The following PARD3B variants were observed in gnomAD, a reference collection of about 807,000 sequenced individuals.
The protein encoded by PARD3B is par-3 family cell polarity regulator beta, also known as partitioning defective 3 homolog B.
A neutral mutation model predicts 130.2 loss-of-function variants in PARD3B; 103 were observed. The observed-to-expected ratio is 0.79, with a 90% confidence interval of 0.67 to 0.93. The LOEUF is 0.93. Among genes scored for constraint, PARD3B ranks in the 40% least tolerant of loss-of-function variants. The pLI is 0.00. For missense variants in PARD3B, 1,609 were observed against 1,499.2 expected (o/e 1.07, Z -1.21); for synonymous variants, 583 against 553.2 (o/e 1.05, Z -0.76).
intron 2 of PARD3B, among the ~76,000 whole-genome samples, chr2:204,734,802 G>A (rs1364829258): frequency 6.6e-6 from 1 of 152,090 alleles, no homozygotes; most frequent in Admixed American, 6.6e-5. Flanking sequence ...AAGTGTTTCT[G>A]TATCTTCATC....
chr2:205,398,388 A>G (rs546172807), intron 18 of PARD3B, among the ~76,000 whole-genome samples: 1 of 152,310 alleles, frequency 6.6e-6, no homozygotes, highest in East Asian at 1.9e-4. Context: ...ATATTTCTTC[A>G]GTGAAAAAAA....
At position 205,616,609 on chromosome 2, in the gene PARD3B, C is replaced by G. The variant is rs2055445872; in HGVS notation, c.*796C>G. The G allele has an allele frequency of 6.6e-6, 1 of 152,234 alleles. No individual in the cohort carries two copies. The highest frequency in any genetic ancestry group is 6.5e-5 in the Admixed American group (1 of 15,280). The allele number at this position is 152,234 out of a possible 1,614,324, so 9.4% of individuals were successfully genotyped here. Reference sequence around the variant, plus strand: ...AGAGGGTTCAACATCCCACGGCCCTCACCTTCCTCCCTCCCACATTCCAGG... The same window carrying G: ...AGAGGGTTCAACATCCCACGGCCCTGACCTTCCTCCCTCCCACATTCCAGG... On this transcript the variant is annotated 3_prime_UTR_variant, in exon 23 of 23. Coordinates refer to ENST00000406610, the MANE Select transcript of PARD3B (RefSeq NM_001302769.2).
At chr2:205,319,986 C>G (rs2042693711) in intron 18 of PARD3B, among the ~76,000 whole-genome samples, 1 of 152,094 alleles carries the variant, frequency 6.6e-6, no homozygotes, top group African/African-American at 2.4e-5. Flanking sequence ...CAAGACCAGC[C>G]TGGCCAATAT....
intron 1 of PARD3B, among the ~76,000 whole-genome samples, chr2:204,659,862 C>A (rs1176194748): frequency 6.6e-6 from 1 of 152,188 alleles, no homozygotes; most frequent in East Asian, 1.9e-4. Context: ...TATGATACAA[C>A]TACCTAGGTC....
intron 1 of PARD3B, among the ~76,000 whole-genome samples, chr2:204,570,828 GT>G (rs2031956298): frequency 6.6e-6 from 1 of 150,498 alleles, no homozygotes; most frequent in African/African-American, 2.5e-5. Context: ...TAACTGAGGT[GT>G]ATAAGCTGTT....
At chr2:205,382,658 A>G (rs537755421) in intron 18 of PARD3B, among the ~76,000 whole-genome samples, 3 of 152,080 alleles carry the variant, frequency 2.0e-5, no homozygotes, top group South Asian at 4.1e-4. Flanking sequence ...TTCCTTCTAC[A>G]TTCATTAATT....
rs1553645977 is a variant in PARD3B, at chr2:205,238,849, A to ATAT, written c.2141-6929_2141-6928insTAT. ...AAACTCCGTTTCAAAAAAAAAAAAA[A>ATAT]ATATATATATATATATATATATATA... On this transcript the variant is annotated intron_variant, in intron 15 of 22. Transcript: ENST00000406610. Among the ~76,000 whole-genome samples the ATAT allele has an allele frequency of 2.8e-3, 217 of 76,894 alleles. 6 individuals are homozygous for ATAT. Among genetic ancestry groups the ATAT allele is most frequent in the South Asian group, 7.2e-3 (14 of 1,944 alleles). The allele number at this position is 76,894 out of a possible 152,430, so 50.4% of individuals were successfully genotyped here.
At position 205,569,288 on chromosome 2, in the gene PARD3B, T is replaced by C. The variant is rs888111147; in HGVS notation, c.3260+15885T>C. ...TCATATATTAAGGGCATTAACACTT[T>C]GACATATTTAAAATTATTTTAGTTT... On this transcript the variant is annotated intron_variant, in intron 22 of 22. Coordinates refer to ENST00000406610, the MANE Select transcript of PARD3B (RefSeq NM_001302769.2). 2.0e-5 allele frequency among the ~76,000 whole-genome samples: 3 copies of C among 152,300 alleles called. No individual in the cohort carries two copies. In the East Asian group the frequency reaches 5.8e-4, roughly 29 times the overall value.
intron 18 of PARD3B, among the ~76,000 whole-genome samples, chr2:205,308,011 G>A (rs1429046764): frequency 1.3e-5 from 2 of 152,160 alleles, no homozygotes; most frequent in African/African-American, 2.4e-5. Flanking sequence ...AAGTACAAAC[G>A]CTGCCAATAG....
At chr2:205,273,853 T>A (rs1469817088) in intron 16 of PARD3B, among the ~76,000 whole-genome samples, 1 of 152,224 alleles carries the variant, frequency 6.6e-6, no homozygotes, top group Non-Finnish European at 1.5e-5. Context: ...TTTACTTTTG[T>A]AAGTTATCTA....
At chr2:205,413,804 G>T (rs964857566) in intron 19 of PARD3B, among the ~76,000 whole-genome samples, 1 of 152,160 alleles carries the variant, frequency 6.6e-6, no homozygotes, top group African/African-American at 2.4e-5. Flanking sequence ...AATGCTGTGG[G>T]CCCAGAGAGC....
chr2:205,449,187 A>AT (rs1219492208), intron 20 of PARD3B, among the ~76,000 whole-genome samples: 1 of 150,196 alleles, frequency 6.7e-6, no homozygotes, highest in Non-Finnish European at 1.5e-5. Flanking sequence ...AAAAAAAAAA[A>AT]GTGTGGGAAA....
chr2:204,898,681 T>G (rs1028911666), intron 2 of PARD3B, among the ~76,000 whole-genome samples: 1 of 152,174 alleles, frequency 6.6e-6, no homozygotes, highest in Non-Finnish European at 1.5e-5. Context: ...TTTGTTGATG[T>G]TCTCTCTGGA....
intron 1 of PARD3B, among the ~76,000 whole-genome samples, chr2:204,550,474 G>T (rs2030371762): frequency 6.6e-6 from 1 of 151,420 alleles, no homozygotes; most frequent in Non-Finnish European, 1.5e-5. Flanking sequence ...AAGTGAATAA[G>T]GGAAAGGCTT....
chr2:205,054,663 C>T (rs1699522764), intron 4 of PARD3B, among the ~76,000 whole-genome samples: 1 of 151,214 alleles, frequency 6.6e-6, no homozygotes, highest in Non-Finnish European at 1.5e-5. Flanking sequence ...GATCTGCACA[C>T]AATGAAAACT....
rs191974242 is a variant in PARD3B at position 205,164,327 on chromosome 2, G to A, written c.1620+5420G>A. ...TACTTTTAAAATCTCAAAGTAGCTG[G>A]CACAGTAATGGGCACCTGTATTTTC... is the stretch of plus-strand genomic sequence containing the variant. On this transcript the variant is annotated intron_variant, in intron 11 of 22. Transcript: ENST00000406610. 5.3e-5 allele frequency among the ~76,000 whole-genome samples: 8 copies of A among 152,124 alleles called. No homozygotes were observed. In the East Asian group the frequency reaches 1.4e-3, roughly 26 times the overall value.
chr2:205,496,553 T>G (rs2049933238), intron 20 of PARD3B, among the ~76,000 whole-genome samples: 1 of 152,198 alleles, frequency 6.6e-6, no homozygotes, highest in Non-Finnish European at 1.5e-5. Flanking sequence ...TTCCTGTTTT[T>G]TCTCTTGGGC....
At chr2:205,025,703 A>G (rs1002116664) in intron 3 of PARD3B, among the ~76,000 whole-genome samples, 1 of 152,062 alleles carries the variant, frequency 6.6e-6, no homozygotes, top group Non-Finnish European at 1.5e-5. Context: ...CTGAGCAGAT[A>G]CATAAATAAC....
At chr2:205,510,950 A>T (rs999127617) in intron 21 of PARD3B, among the ~76,000 whole-genome samples, 4 of 152,216 alleles carry the variant, frequency 2.6e-5, no homozygotes, top group Non-Finnish European at 5.9e-5. Flanking sequence ...CCTCATGGCC[A>T]CACAATCATT....
Sources: gnomAD v4.1 joint callset for allele counts (sites outside exome capture counted in the v4.1 genomes callset) on GRCh38, gnomAD v4.1.1 for gene constraint, MANE v1.5 for transcripts, NCBI Gene and HGNC (gene_info 2026-07-23, HGNC 2026-07-21) for gene names.